TAS2R1: variants seen among roughly 807,000 people sequenced by gnomAD.
TAS2R1 encodes the protein taste receptor type 2 member 1.
For synonymous variants in TAS2R1, 141 were observed against 134.2 expected, an observed-to-expected ratio of 1.05 and a Z score of -0.35; for missense variants, 370 against 353.4, an observed-to-expected ratio of 1.05 and a Z score of -0.38.
the TAS2R1 span, among the ~76,000 whole-genome samples, chr5:9,808,385 G>T: frequency 6.6e-6 from 1 of 152,220 alleles, no homozygotes; most frequent in East Asian, 1.9e-4. Context: ...TGAAAGAGTG[G>T]CTTGGTTCCT....
upstream of TAS2R1, chr5:9,712,258 A>G (rs1295210655): frequency 1.3e-5 from 2 of 152,192 alleles, no homozygotes; most frequent in Non-Finnish European, 2.9e-5. Flanking sequence ...GTTCTCTGGA[A>G]TCCAGCCCAG....
intron 1 of TAS2R1, among the ~76,000 whole-genome samples, chr5:9,669,412 C>T (rs981375790): frequency 4.6e-5 from 7 of 152,122 alleles, no homozygotes; most frequent in African/African-American, 1.7e-4. Context: ...CCAAATGGAC[C>T]TAAGAAACAT....
the TAS2R1 span, among the ~76,000 whole-genome samples, chr5:9,819,215 C>G: frequency 6.6e-6 from 1 of 152,114 alleles, no homozygotes; most frequent in Non-Finnish European, 1.5e-5. Context: ...TAAATGGCGA[C>G]TCAAAGACTC....
chr5:9,738,323 T>C, the TAS2R1 span, among the ~76,000 whole-genome samples: 1 of 152,154 alleles, frequency 6.6e-6, no homozygotes, highest in Admixed American at 6.5e-5. Context: ...CTCTGTGTGC[T>C]CCTGGACTGT....
intron 1 of TAS2R1, among the ~76,000 whole-genome samples, chr5:9,711,552 A>G (rs974029118): frequency 6.6e-5 from 10 of 152,222 alleles, no homozygotes; most frequent in African/African-American, 2.4e-4. Context: ...CTAGAGTTTC[A>G]GTCACGCAAG....
chr5:9,659,740 C>T (rs1340148997), intron 1 of TAS2R1, among the ~76,000 whole-genome samples: 1 of 152,150 alleles, frequency 6.6e-6, no homozygotes, highest in African/African-American at 2.4e-5. Flanking sequence ...CCTGCCTGAA[C>T]AAGACTCTCA....
chr5:9,823,065 G>T, the TAS2R1 span, among the ~76,000 whole-genome samples: 1 of 133,594 alleles, frequency 7.5e-6, no homozygotes, highest in Non-Finnish European at 1.6e-5. Context: ...AACAGAACAA[G>T]AACTGTCCAG....
At chr5:9,813,911 A>T in the TAS2R1 span, among the ~76,000 whole-genome samples, 1 of 152,274 alleles carries the variant, frequency 6.6e-6, no homozygotes, top group African/African-American at 2.4e-5. Context: ...TTTGCAGACC[A>T]TTCAAAGAAT....
chr5:9,736,304 A>C, the TAS2R1 span, among the ~76,000 whole-genome samples: 4 of 152,298 alleles, frequency 2.6e-5, no homozygotes, highest in South Asian at 8.3e-4. Flanking sequence ...CACTGCAGCT[A>C]TGGTCTAGCA....
intron 2 of TAS2R1, chr5:9,645,425 T>G (rs1387860185): frequency 5.9e-5 from 9 of 152,036 alleles, no homozygotes; most frequent in Non-Finnish European, 5.9e-5. Flanking sequence ...ACAGTGAGAG[T>G]GAAGATTCCT....
chr5:9,870,060 T>A, the TAS2R1 span: 1 of 152,264 alleles, frequency 6.6e-6, no homozygotes, highest in East Asian at 1.9e-4. Context: ...TCTGGAAACA[T>A]GACTAAGCCT....
chr5:9,818,326 C>T, the TAS2R1 span, among the ~76,000 whole-genome samples: 36 of 152,276 alleles, frequency 2.4e-4, no homozygotes, highest in African/African-American at 7.5e-4. Context: ...GAGATTTGGG[C>T]GACATTATCT....
At chr5:9,780,445 G>C in the TAS2R1 span, among the ~76,000 whole-genome samples, 1 of 152,136 alleles carries the variant, frequency 6.6e-6, no homozygotes, top group Non-Finnish European at 1.5e-5. Flanking sequence ...GACAGAGCTG[G>C]GACCCCCTAC....
chr5:9,878,853 C>T, the TAS2R1 span, among the ~76,000 whole-genome samples: 1 of 152,212 alleles, frequency 6.6e-6, no homozygotes, highest in Non-Finnish European at 1.5e-5. Context: ...AATTCCCTTC[C>T]CTGTGTGGTC....
chr5:9,836,012 T>C, the TAS2R1 span, among the ~76,000 whole-genome samples: 2 of 152,152 alleles, frequency 1.3e-5, no homozygotes, highest in Admixed American at 6.5e-5. Context: ...CCACCTGTTG[T>C]GGGAGGGACC....
chr5:9,745,934 A>G, the TAS2R1 span, among the ~76,000 whole-genome samples: 1 of 152,204 alleles, frequency 6.6e-6, no homozygotes, highest in Admixed American at 6.5e-5. Context: ...AATCAAACTA[A>G]AGAACTTCTG....
the TAS2R1 span, among the ~76,000 whole-genome samples, chr5:9,855,327 T>G: frequency 1.3e-5 from 2 of 152,222 alleles, no homozygotes; most frequent in Admixed American, 1.3e-4. Flanking sequence ...GGATAACCTC[T>G]AGTTCTTTAG....
chr5:9,633,294 T>TAATATATATATATATATATATATATATA (rs1476544403), upstream of TAS2R1, among the ~76,000 whole-genome samples: 1 of 67,798 alleles, frequency 1.5e-5, no homozygotes, highest in African/African-American at 7.1e-5. Context: ...TGTGTGTATA[T>TAATATATATATATATATATATATATATA]TATATATATA....
the TAS2R1 span, among the ~76,000 whole-genome samples, chr5:9,754,880 T>C: frequency 1.3e-5 from 2 of 152,096 alleles, no homozygotes; most frequent in Non-Finnish European, 2.9e-5. Context: ...CTTCACAGAA[T>C]TGGAAAAAAC....
Sources: gnomAD v4.1 joint callset for allele counts (sites outside exome capture counted in the v4.1 genomes callset) on GRCh38, gnomAD v4.1.1 for gene constraint, MANE v1.5 for transcripts, NCBI Gene and HGNC (gene_info 2026-07-23, HGNC 2026-07-21) for gene names.